The following MKNK1 variants were observed in gnomAD, a reference collection of about 807,000 sequenced individuals.
MKNK1 encodes MAPK interacting serine/threonine kinase 1.
A neutral mutation model predicts 49.3 loss-of-function variants in MKNK1; 30 were observed. The observed-to-expected ratio is 0.61, with a 90% CI of 0.46 to 0.83. The LOEUF (loss-of-function observed/expected upper bound fraction) is 0.83. MKNK1 is among the 40% of genes least tolerant of loss of function. The pLI is 0.00. For synonymous variants in MKNK1, 176 were observed against 201.7 expected (o/e 0.87, Z 1.08); for missense variants, 423 against 524.7 (o/e 0.81, Z 1.89).
chr1:46,559,404 C>T (rs1208188263), intron 12 of MKNK1, among the ~76,000 whole-genome samples: 1 of 152,162 alleles, frequency 6.6e-6, no homozygotes, highest in African/African-American at 2.4e-5. Flanking sequence ...TAAAAGCTGG[C>T]CATGAGGCTG....
chr1:46,602,404 T>C (rs756066942), intron 1 of MKNK1, among the ~76,000 whole-genome samples: 17 of 151,902 alleles, frequency 1.1e-4, no homozygotes, highest in Non-Finnish European at 2.1e-4. Flanking sequence ...AAAGTGAGAC[T>C]CCATCTCAAA....
At chr1:46,573,098 C>T (rs751045043) in intron 6 of MKNK1, among the ~76,000 whole-genome samples, 12 of 152,290 alleles carry the variant, frequency 7.9e-5, no homozygotes, top group Non-Finnish European at 1.2e-4. Context: ...CACTTATTCT[C>T]GTTTTACAGA....
At chr1:46,598,536 A>G (rs1386054987) in intron 1 of MKNK1, among the ~76,000 whole-genome samples, 2 of 152,230 alleles carry the variant, frequency 1.3e-5, no homozygotes, top group African/African-American at 4.8e-5. Flanking sequence ...CAAACTGGGC[A>G]TTCATATATT....
chr1:46,565,626 G>A lies in MKNK1; in HGVS notation c.514-490C>T, dbSNP rs115948980. ...TAAACACGGAAACTCCTGCGTTCCAGGAAACCCCTCAAGCCTGGGAAAACT... is the reference window on the plus strand; with the variant it reads ...TAAACACGGAAACTCCTGCGTTCCAAGAAACCCCTCAAGCCTGGGAAAACT... On this transcript the variant is annotated intron_variant, in intron 8 of 12. Transcript: ENST00000371945. Among the ~76,000 whole-genome samples, 890 of 152,306 alleles carry A rather than the reference G, an allele frequency of 5.8e-3. 9 individuals are homozygous for A. The highest frequency in any genetic ancestry group is 0.02 in the African/African-American group (833 of 41,564).
At chr1:46,588,088 C>T (rs2148727873) in intron 2 of MKNK1, among the ~76,000 whole-genome samples, 1 of 152,288 alleles carries the variant, frequency 6.6e-6, no homozygotes, top group East Asian at 1.9e-4. Context: ...AGCAGGCAGC[C>T]AGTAGATTAA....
intron 4 of MKNK1, 38 bp downstream of exon 4, chr1:46,580,492 T>G (rs1303279547): frequency 7.2e-7 from 1 of 1,385,138 alleles, no homozygotes; most frequent in Non-Finnish European, 1.0e-6. Flanking sequence ...GAATGACTAT[T>G]TGCAAAGTAA....
At chr1:46,594,364 C>A (rs1156565173) in intron 1 of MKNK1, 84 bp from the exon 2 acceptor site, 1 of 602,808 alleles carries the variant, frequency 1.7e-6, no homozygotes, top group Non-Finnish European at 3.0e-6. Flanking sequence ...TCTGAACGTG[C>A]CCCAAACCTA....
intron 11 of MKNK1, among the ~76,000 whole-genome samples, chr1:46,560,912 A>G (rs1032624591): frequency 2.0e-5 from 3 of 152,196 alleles, no homozygotes; most frequent in African/African-American, 7.2e-5. Context: ...AAGTCATGGG[A>G]GCATCTGGCA....
intron 1 of MKNK1, among the ~76,000 whole-genome samples, chr1:46,595,903 C>T (rs1363772572): frequency 6.6e-6 from 1 of 152,214 alleles, no homozygotes; most frequent in Non-Finnish European, 1.5e-5. Flanking sequence ...AGGCACGAGC[C>T]ACCACGCCTA....
intron 2 of MKNK1, among the ~76,000 whole-genome samples, chr1:46,591,215 A>G (rs1422277451): frequency 6.6e-6 from 1 of 152,240 alleles, no homozygotes. Context: ...CCGTCTGTCC[A>G]TAGCGATACT....
At chr1:46,566,978 C>T (rs371786288) in intron 8 of MKNK1, among the ~76,000 whole-genome samples, 196 of 152,322 alleles carry the variant, frequency 1.3e-3, no homozygotes, top group African/African-American at 4.5e-3. Flanking sequence ...AACTTAACCT[C>T]TCTTTTTCTT....
intron 3 of MKNK1, among the ~76,000 whole-genome samples, 167 bp from the exon 4 acceptor site, chr1:46,580,794 C>T (rs1226701247): frequency 1.2e-5 from 1 of 86,568 alleles, no homozygotes; most frequent in Non-Finnish European, 2.7e-5. Context: ...CACCTGAGGA[C>T]CCAGTTTCTC....
chr1:46,597,327 A>T (rs1674210152), intron 1 of MKNK1, among the ~76,000 whole-genome samples: 2 of 151,882 alleles, frequency 1.3e-5, no homozygotes, highest in South Asian at 4.2e-4. Flanking sequence ...ATCACCATGT[A>T]TACAAACAAA....
intron 7 of MKNK1, among the ~76,000 whole-genome samples, chr1:46,570,797 G>A (rs1275789070): frequency 2.0e-5 from 3 of 152,216 alleles, no homozygotes; most frequent in Admixed American, 6.5e-5. Flanking sequence ...ATTTATTGAA[G>A]AACTATGACA....
At chr1:46,577,509 CAAT>C (rs1671153298) in intron 4 of MKNK1, among the ~76,000 whole-genome samples, 1 of 151,200 alleles carries the variant, frequency 6.6e-6, no homozygotes, top group Non-Finnish European at 1.5e-5. Flanking sequence ...AATAAATAAA[CAAT>C]AATAATTTAT....
intron 12 of MKNK1, among the ~76,000 whole-genome samples, chr1:46,559,425 G>T (rs1667537131): frequency 6.6e-6 from 1 of 152,178 alleles, no homozygotes; most frequent in Non-Finnish European, 1.5e-5. Flanking sequence ...GTGCCAAAAA[G>T]GTTTCCCACA....
chr1:46,582,739 C>A (rs1570237735), intron 3 of MKNK1: 1 of 391,186 alleles, frequency 2.6e-6, no homozygotes, highest in East Asian at 7.2e-5. Flanking sequence ...CTGAACACAA[C>A]ACGTATTCTT....
At chr1:46,565,282 A>C in intron 8 of MKNK1, 146 bp from the exon 9 acceptor site, 1 of 707,920 alleles carries the variant, frequency 1.4e-6, no homozygotes, top group South Asian at 1.6e-5. Flanking sequence ...GGAGGTTAAC[A>C]AGAAGTCCCC....
chr1:46,566,237 T>A (rs1367094595), intron 8 of MKNK1, among the ~76,000 whole-genome samples: 1 of 152,258 alleles, frequency 6.6e-6, no homozygotes, highest in East Asian at 1.9e-4. Flanking sequence ...TTCATATAAG[T>A]AGATTTACAC....
Sources: allele counts gnomAD v4.1 joint callset (sites outside exome capture counted in the v4.1 genomes callset), GRCh38; gene constraint gnomAD v4.1.1; transcripts MANE v1.5; gene names NCBI Gene and HGNC (gene_info 2026-07-23, HGNC 2026-07-21).